Variants in CFAP77 observed in about 807,000 individuals in gnomAD.
CFAP77 encodes the protein cilia- and flagella-associated protein 77.
Under a neutral mutation model 31.1 loss-of-function variants are expected in CFAP77, and 25 were observed. That is an observed-to-expected ratio of 0.80 (90% CI 0.59 to 1.12). The LOEUF (loss-of-function observed/expected upper bound fraction) is 1.12. Ranked by LOEUF, CFAP77 falls within the 50% of genes most tolerant of loss-of-function variation. The probability of loss-of-function intolerance (pLI) is 0.00; values close to 1 mark genes in which losing one functional copy is unlikely to be tolerated. For missense variants in CFAP77, 377 were observed against 397.3 expected, an observed-to-expected ratio of 0.95 and a Z score of 0.44; for synonymous variants, 151 against 159.9, an observed-to-expected ratio of 0.94 and a Z score of 0.42.
At chr9:132,468,893 G>A (rs1298427082) in intron 1 of CFAP77, among the ~76,000 whole-genome samples, 1 of 151,960 alleles carries the variant, frequency 6.6e-6, no homozygotes, top group Non-Finnish European at 1.5e-5. Context: ...CAAATGGGAA[G>A]AATCAAAATA....
chr9:132,446,866 G>A (rs1793219699), intron 1 of CFAP77, among the ~76,000 whole-genome samples: 1 of 151,796 alleles, frequency 6.6e-6, no homozygotes, highest in South Asian at 2.1e-4. Context: ...CAGCAGCCCT[G>A]TGAGATAGGA....
At chr9:132,563,182 CTAAAATTTTTTCTG>C (rs1256248023) in intron 5 of CFAP77, among the ~76,000 whole-genome samples, 1 of 151,602 alleles carries the variant, frequency 6.6e-6, no homozygotes, top group African/African-American at 2.4e-5. Context: ...CCATGCCCTG[CTAAAATTTTTTCTG>C]TAGAGATGGG....
chr9:132,532,255 G>A (rs1013987322), intron 3 of CFAP77, among the ~76,000 whole-genome samples: 1 of 152,222 alleles, frequency 6.6e-6, no homozygotes, highest in African/African-American at 2.4e-5. Context: ...GTGGAGGGGA[G>A]GCAGACTGGC....
At chr9:132,476,818 C>T (rs772190925) in intron 1 of CFAP77, among the ~76,000 whole-genome samples, 12 of 152,288 alleles carry the variant, frequency 7.9e-5, no homozygotes, top group Non-Finnish European at 1.8e-4. Flanking sequence ...ATGAGTCCCC[C>T]CTCGGAGCCC....
chr9:132,456,805 C>T (rs1850923594), intron 1 of CFAP77, among the ~76,000 whole-genome samples: 1 of 151,800 alleles, frequency 6.6e-6, no homozygotes, highest in African/African-American at 2.4e-5. Context: ...GGCTGGAGTG[C>T]AGTGGTGCAA....
At chr9:132,438,541 A>ATTTTTT (rs10641294) in intron 1 of CFAP77, among the ~76,000 whole-genome samples, 11 of 108,114 alleles carry the variant, frequency 1.0e-4, no homozygotes, top group African/African-American at 1.2e-4. Flanking sequence ...ATATATATAT[A>ATTTTTT]TTTTTTTTTT....
rs868157733 is a variant in CFAP77 at position 132,501,882 on chromosome 9, G to A, written c.524+2282G>A. Among the ~76,000 whole-genome samples, 2 of 152,208 alleles carry A rather than the reference G, an allele frequency of 1.3e-5. No homozygotes were observed. Among genetic ancestry groups the A allele is most frequent in the Admixed American group, 6.5e-5 (1 of 15,282 alleles). Reference sequence around the variant, plus strand: ...TCAGTCCCTGCAATCTACGTGGGCCGATGGTGGAAAAGACGTACAGACCAG... The same window carrying A: ...TCAGTCCCTGCAATCTACGTGGGCCAATGGTGGAAAAGACGTACAGACCAG... On this transcript the variant is annotated intron_variant, in intron 3 of 5. Coordinates refer to ENST00000393216, the MANE Select transcript of CFAP77 (RefSeq NM_001282957.2). The surrounding 1 kb of genome is among the most constrained non-coding windows in gnomAD (Gnocchi z 4.6).
At chr9:132,410,998 C>A (rs147700589) in intron 1 of CFAP77, among the ~76,000 whole-genome samples, 183 of 152,342 alleles carry the variant, frequency 1.2e-3, no homozygotes, top group African/African-American at 3.3e-3. Context: ...AAATTACAAC[C>A]CTAAGAGAAA....
At position 132,495,853 on chromosome 9, in the gene CFAP77, A is replaced by T. The variant is rs947034914; in HGVS notation, c.196-2842A>T. On this transcript the variant is annotated intron_variant, in intron 1 of 5. Transcript: ENST00000393216. This position sits in a 1 kb window ranked among gnomAD's most constrained non-coding sequence, Gnocchi z 4.2. The stretch of plus-strand genomic sequence containing the variant: ...TATCTCTGCTCTCTGCCACGTGAAG[A>T]TACAACAAGAAGGCGGCCATCTGCA... Among the ~76,000 whole-genome samples the T allele has an allele frequency of 6.6e-6, 1 of 152,202 alleles. No homozygotes were observed. Among genetic ancestry groups the T allele is most frequent in the Non-Finnish European group, 1.5e-5 (1 of 68,042 alleles).
intron 3 of CFAP77, among the ~76,000 whole-genome samples, chr9:132,509,350 C>T (rs576820534): frequency 6.6e-6 from 1 of 152,330 alleles, no homozygotes; most frequent in Non-Finnish European, 1.5e-5. Context: ...GGCTGCCCAG[C>T]CCGGGCTACC....
At chr9:132,562,488 A>C (rs1203328361) in intron 5 of CFAP77, among the ~76,000 whole-genome samples, 1 of 152,150 alleles carries the variant, frequency 6.6e-6, no homozygotes, top group African/African-American at 2.4e-5. Flanking sequence ...TTTTCATATC[A>C]AGGAAATCAT....
rs1177608162 is a variant in CFAP77, at chr9:132,565,083, G to A, written c.733-7305G>A. 1.3e-5 allele frequency among the ~76,000 whole-genome samples: 2 copies of A among 151,758 alleles called. No homozygotes were observed. Among genetic ancestry groups the A allele is most frequent in the African/African-American group, 4.8e-5 (2 of 41,252 alleles). ...CTGATCCAGTAGCAGGGAGGAAAAGGATGTTATCCCAGGAGGGAACTATGA... is the reference window on the plus strand; with the variant it reads ...CTGATCCAGTAGCAGGGAGGAAAAGAATGTTATCCCAGGAGGGAACTATGA... On this transcript the variant is annotated intron_variant, in intron 5 of 5. Transcript: ENST00000393216. The surrounding 1 kb of genome is among the most constrained non-coding windows in gnomAD (Gnocchi z 4.1).
At chr9:132,493,421 G>T (rs1487043029) in intron 1 of CFAP77, among the ~76,000 whole-genome samples, 1 of 152,220 alleles carries the variant, frequency 6.6e-6, no homozygotes, top group Non-Finnish European at 1.5e-5. Context: ...TGTTGCTGTG[G>T]TTTATCTGGT....
chr9:132,416,638 G>A (rs981935192), intron 1 of CFAP77, among the ~76,000 whole-genome samples: 33 of 143,708 alleles, frequency 2.3e-4, no homozygotes, highest in Middle Eastern at 8.5e-3. Flanking sequence ...CCACCACACT[G>A]GGCTTTTTTT....
intron 3 of CFAP77, among the ~76,000 whole-genome samples, chr9:132,529,753 G>A (rs1470546121): frequency 1.3e-5 from 2 of 151,142 alleles, no homozygotes; most frequent in East Asian, 3.9e-4. Flanking sequence ...TTGAACCCGG[G>A]AGGCAGAGGT....
At chr9:132,418,941 C>G (rs752373841) in intron 1 of CFAP77, among the ~76,000 whole-genome samples, 31 of 152,228 alleles carry the variant, frequency 2.0e-4, no homozygotes, top group Non-Finnish European at 3.7e-4. Context: ...ACTCTATGCT[C>G]TCATTGTGGC....
chr9:132,549,320 A>T (rs796611513), intron 5 of CFAP77, among the ~76,000 whole-genome samples: 5 of 152,354 alleles, frequency 3.3e-5, no homozygotes, highest in African/African-American at 1.2e-4. Flanking sequence ...TGCACCAGTG[A>T]TGTATTTTAA....
At chr9:132,443,874 A>C (rs1178849430) in intron 1 of CFAP77, among the ~76,000 whole-genome samples, 1 of 152,228 alleles carries the variant, frequency 6.6e-6, no homozygotes, top group Non-Finnish European at 1.5e-5. Context: ...TCTGCAAAGC[A>C]TGCATTTTGC....
rs1292671944 is a variant in CFAP77 at position 132,536,403 on chromosome 9, TTTTTTTTG to T, written c.525-1197_525-1190del. ...GTGGCTCATAGTTCTTTTTTTTTTT[TTTTTTTTG>T]GAGACAGAGTCTTGCTATGTTGCCC... On this transcript the variant is annotated intron_variant, in intron 3 of 5. Transcript: ENST00000393216. 7.2e-4 allele frequency among the ~76,000 whole-genome samples: 108 copies of T among 150,058 alleles called. 1 individual carries two copies. The highest frequency in any genetic ancestry group is 2.4e-3 in the African/African-American group (97 of 40,828).
Sources: gnomAD v4.1 joint callset for allele counts (sites outside exome capture counted in the v4.1 genomes callset) on GRCh38, gnomAD v4.1.1 for gene constraint, Gnocchi (gnomAD v3.1) non-coding constraint, MANE v1.5 for transcripts, NCBI Gene and HGNC (gene_info 2026-07-23, HGNC 2026-07-21) for gene names.